DST: variants seen among roughly 807,000 people sequenced by gnomAD.
DST encodes the protein bullous pemphigoid antigen.
Under a neutral mutation model 875.2 loss-of-function variants are expected in DST, and 253 were observed. The observed-to-expected ratio is 0.29, with a 90% CI of 0.26 to 0.32. The LOEUF (loss-of-function observed/expected upper bound fraction) is 0.32. DST is among the 10% of genes least tolerant of loss of function. DST has a pLI of 1.00. For synonymous variants in DST, 3,124 were observed against 3,197.1 expected (o/e 0.98, Z 0.77); for missense variants, 8,287 against 9,111.6 (o/e 0.91, Z 3.68).
chr6:56,547,165 T>C (rs2097244992), intron 61 of DST, among the ~76,000 whole-genome samples: 1 of 152,168 alleles, frequency 6.6e-6, no homozygotes, highest in Non-Finnish European at 1.5e-5. Context: ...GTATATTCCT[T>C]GTATCATGTG....
chr6:56,758,030 A>G (rs1421656809), intron 4 of DST, among the ~76,000 whole-genome samples: 1 of 152,254 alleles, frequency 6.6e-6, no homozygotes, highest in Non-Finnish European at 1.5e-5. Context: ...TTCCCAGGAA[A>G]GAAACAACTA....
intron 10 of DST, among the ~76,000 whole-genome samples, chr6:56,667,711 C>T (rs2099078839): frequency 1.3e-5 from 2 of 151,974 alleles, no homozygotes; most frequent in African/African-American, 4.8e-5. Context: ...CAAATTCTCA[C>T]CTAAAGCAGT....
At chr6:56,526,060 G>A (rs913056644) in intron 69 of DST, among the ~76,000 whole-genome samples, 1 of 152,312 alleles carries the variant, frequency 6.6e-6, no homozygotes, top group Non-Finnish European at 1.5e-5. Context: ...TCAGCAATAT[G>A]CATATGTGTA....
chr6:56,575,811 GCT>G (rs1334020640), intron 50 of DST, among the ~76,000 whole-genome samples: 1 of 152,120 alleles, frequency 6.6e-6, no homozygotes, highest in African/African-American at 2.4e-5. Flanking sequence ...CTGACATAGA[GCT>G]CCTAAGACCT....
At chr6:56,612,067 G>A (rs1342901200) in intron 37 of DST, among the ~76,000 whole-genome samples, 1 of 152,178 alleles carries the variant, frequency 6.6e-6, no homozygotes, top group African/African-American at 2.4e-5. Context: ...TAGGTATGCA[G>A]ACCCAGAATA....
At chr6:56,652,354 T>C (rs2098980956) in intron 10 of DST, among the ~76,000 whole-genome samples, 1 of 152,166 alleles carries the variant, frequency 6.6e-6, no homozygotes, top group Non-Finnish European at 1.5e-5. Context: ...CGGAACAATG[T>C]GGAAACAGGA....
At chr6:56,891,830 A>T (rs1282715435) in intron 3 of DST, among the ~76,000 whole-genome samples, 2 of 152,214 alleles carry the variant, frequency 1.3e-5, no homozygotes, top group Non-Finnish European at 2.9e-5. Flanking sequence ...TCTCAAAAAA[A>T]AACACTCCTC....
At chr6:56,668,360 G>A (rs942383050) in intron 10 of DST, among the ~76,000 whole-genome samples, 32 of 152,102 alleles carry the variant, frequency 2.1e-4, no homozygotes, top group African/African-American at 7.0e-4. Flanking sequence ...TTTTCTTTTC[G>A]ATTCAGCAAC....
At position 56,635,592 on chromosome 6, in the gene DST, T is replaced by C; in HGVS notation, c.3183A>G (p.Ser1061=). 6.2e-7 allele frequency: 1 copy of C among 1,613,992 alleles called. No individual in the cohort carries two copies. Residue 1061 remains serine (S), a synonymous_variant, in exon 24 of 104, where the codon TCA becomes TCG. Transcript: ENST00000680361. Reference sequence around the variant, plus strand: ...TGCATAGGTTTTGTATTAGTACCATTGATTCCTGAACAAGGTCTTCTAGCT... The same window carrying C: ...TGCATAGGTTTTGTATTAGTACCATCGATTCCTGAACAAGGTCTTCTAGCT... ...IHKLEDLVQE[S]MEEKEELLQY... is the part of the protein sequence containing the mutation.
chr6:56,833,508 A>C (rs2153063751), intron 4 of DST, among the ~76,000 whole-genome samples: 1 of 152,170 alleles, frequency 6.6e-6, no homozygotes, highest in Non-Finnish European at 1.5e-5. Flanking sequence ...TGGACTACTA[A>C]TTTCAGTGTA....
chr6:56,834,893 C>A (rs1344698037), intron 4 of DST, among the ~76,000 whole-genome samples: 1 of 152,178 alleles, frequency 6.6e-6, no homozygotes, highest in Non-Finnish European at 1.5e-5. Flanking sequence ...AAAATCTGCA[C>A]TCAACTGTTT....
At chr6:56,942,512 T>A (rs1401920524) in intron 2 of DST, among the ~76,000 whole-genome samples, 1 of 152,084 alleles carries the variant, frequency 6.6e-6, no homozygotes, top group Non-Finnish European at 1.5e-5. Flanking sequence ...AAAATATGCA[T>A]CCTTAACTTT....
At chr6:56,694,542 A>G (rs1308653458) in intron 9 of DST, among the ~76,000 whole-genome samples, 2 of 152,088 alleles carry the variant, frequency 1.3e-5, no homozygotes, top group Non-Finnish European at 2.9e-5. Flanking sequence ...CTTGATTTTC[A>G]GTGTATTCAA....
At chr6:56,630,444 G>A (rs540484192) in intron 30 of DST, 61 bp from the exon 31 acceptor site, 1 of 1,420,870 alleles carries the variant, frequency 7.0e-7, no homozygotes, top group Admixed American at 1.8e-5. Context: ...GCATAATGTA[G>A]TCCTGAAGCA....
chr6:56,579,770 C>T (rs2097932567), intron 49 of DST, among the ~76,000 whole-genome samples: 1 of 152,198 alleles, frequency 6.6e-6, no homozygotes, highest in Non-Finnish European at 1.5e-5. Context: ...CCTGGAAAGG[C>T]TTCAAACATC....
At position 56,483,046 on chromosome 6, in the gene DST, C is replaced by T. The variant is rs111982210; in HGVS notation, c.21208-169G>A. On this transcript the variant is annotated intron_variant, in intron 88 of 103. Coordinates refer to ENST00000680361, the MANE Select transcript of DST (RefSeq NM_001374736.1). ...TTCAGAAGATAAATGACACACTGCT[C>T]CTATTTGAGCACCATCAAGAAGAGT... Among the ~76,000 whole-genome samples, 363 of 152,244 alleles carry T rather than the reference C, an allele frequency of 2.4e-3. 1 individual carries two copies. The highest frequency in any genetic ancestry group is 8.6e-3 in the African/African-American group (358 of 41,554).
intron 3 of DST, among the ~76,000 whole-genome samples, chr6:56,891,383 C>T (rs1787335203): frequency 6.6e-6 from 1 of 151,944 alleles, no homozygotes; most frequent in African/African-American, 2.4e-5. Flanking sequence ...CACAGACAGA[C>T]TCCACCTCTA....
chr6:56,910,675 G>C (rs769482370), intron 2 of DST, among the ~76,000 whole-genome samples: 1 of 151,312 alleles, frequency 6.6e-6, no homozygotes, highest in Non-Finnish European at 1.5e-5. Context: ...AGTAGAGACA[G>C]GGTTTCACCA....
intron 7 of DST, among the ~76,000 whole-genome samples, chr6:56,703,280 T>C (rs564883369): frequency 6.6e-6 from 1 of 152,282 alleles, no homozygotes; most frequent in South Asian, 2.1e-4. Context: ...ATGTTTGAAA[T>C]ATCACTTCCA....
Sources: allele counts gnomAD v4.1 joint callset (sites outside exome capture counted in the v4.1 genomes callset), GRCh38; gene constraint gnomAD v4.1.1; transcripts MANE v1.5; gene names NCBI Gene and HGNC (gene_info 2026-07-23, HGNC 2026-07-21).